Variants in SPRED1 observed in about 807,000 individuals in gnomAD.
SPRED1 encodes the protein sprouty-related, EVH1 domain-containing protein 1.
SPRED1 carries 18 observed loss-of-function variants against 52.3 expected under a neutral mutation model. The ratio of observed to expected loss-of-function variants is 0.34; its 90% CI spans 0.24 to 0.51. The LOEUF (loss-of-function observed/expected upper bound fraction) is 0.51, where lower values mean the gene tolerates loss of function less well. Ranked by LOEUF, SPRED1 falls within the 20% of genes least tolerant of loss-of-function variation. SPRED1 has a pLI of 0.97. For synonymous variants in SPRED1, 155 were observed against 179.7 expected, an observed-to-expected ratio of 0.86 and a Z score of 1.10; for missense variants, 485 against 551.0, an observed-to-expected ratio of 0.88 and a Z score of 1.20.
chr15:38,300,269 A>C (rs1376486966), intron 2 of SPRED1, among the ~76,000 whole-genome samples: 1 of 152,146 alleles, frequency 6.6e-6, no homozygotes, highest in Non-Finnish European at 1.5e-5. Flanking sequence ...AAAACAACTG[A>C]TTACATCCGA....
At chr15:38,279,238 A>G (rs949023059) in intron 1 of SPRED1, among the ~76,000 whole-genome samples, 1 of 152,190 alleles carries the variant, frequency 6.6e-6, no homozygotes, top group Non-Finnish European at 1.5e-5. Context: ...ATCGTACCAT[A>G]TTTGAATGTT....
chr15:38,289,278 A>G (rs1894871414), intron 1 of SPRED1, among the ~76,000 whole-genome samples: 1 of 151,596 alleles, frequency 6.6e-6, no homozygotes, highest in African/African-American at 2.4e-5. Flanking sequence ...ATTCTGAATA[A>G]AATTACTTTT....
intron 1 of SPRED1, among the ~76,000 whole-genome samples, chr15:38,274,837 G>A (rs1191900305): frequency 6.6e-6 from 1 of 152,164 alleles, no homozygotes; most frequent in East Asian, 1.9e-4. Context: ...CAACTTACAT[G>A]TTTTTGGCAA....
intron 1 of SPRED1, among the ~76,000 whole-genome samples, chr15:38,276,219 T>G (rs1894549092): frequency 6.6e-6 from 1 of 151,860 alleles, no homozygotes; most frequent in Non-Finnish European, 1.5e-5. Flanking sequence ...TGTTTTTTTT[T>G]TTTTTTTTTA....
At chr15:38,327,662 C>T (rs1295003426) in intron 4 of SPRED1, among the ~76,000 whole-genome samples, 1 of 152,214 alleles carries the variant, frequency 6.6e-6, no homozygotes, top group African/African-American at 2.4e-5. Context: ...AGTCCTCCAG[C>T]CACAAACAAG....
At chr15:38,299,227 A>G (rs1895101690) in intron 1 of SPRED1, 146 bp from the exon 2 acceptor site, 3 of 926,570 alleles carry the variant, frequency 3.2e-6, no homozygotes, top group South Asian at 2.6e-5. Context: ...CAAGTAGGCT[A>G]CTTTCTGTAG....
At chr15:38,350,798 G>A (rs1888466321) in intron 6 of SPRED1, among the ~76,000 whole-genome samples, 1 of 152,146 alleles carries the variant, frequency 6.6e-6, no homozygotes, top group Non-Finnish European at 1.5e-5. Flanking sequence ...TTCTAGTAAA[G>A]CCTTCAACTG....
chr15:38,338,468 G>C (rs1222701730), intron 4 of SPRED1, among the ~76,000 whole-genome samples: 3 of 152,022 alleles, frequency 2.0e-5, no homozygotes, highest in African/African-American at 4.8e-5. Flanking sequence ...GGGTATCAAT[G>C]TTTAGCCAAC....
chr15:38,356,614 AT>A lies in SPRED1; in HGVS notation c.*4953del, dbSNP rs1888627438. 1.3e-5 allele frequency: 2 copies of A among 151,806 alleles called. No individual in the cohort carries two copies. Among genetic ancestry groups the A allele is most frequent in the South Asian group, 4.1e-4 (2 of 4,828 alleles). The allele number at this position is 151,806 out of a possible 1,614,324, so 9.4% of individuals were successfully genotyped here. A position where few individuals can be genotyped will look rare whatever the true frequency, so the allele number is the denominator to read the frequency against. On this transcript the variant is annotated 3_prime_UTR_variant, in exon 7 of 7. Coordinates refer to ENST00000299084, the MANE Select transcript of SPRED1 (RefSeq NM_152594.3). ...CACATATAGTTCATCTTAATAACAT[AT>A]TTATTCATCCTTAATTGTATTCAGA...
chr15:38,318,856 G>C (rs1365150275), intron 2 of SPRED1, among the ~76,000 whole-genome samples: 4 of 152,056 alleles, frequency 2.6e-5, no homozygotes, highest in African/African-American at 9.7e-5. Context: ...ACCATTGATG[G>C]ACACCTAGGT....
intron 2 of SPRED1, among the ~76,000 whole-genome samples, chr15:38,307,994 G>A (rs942991583): frequency 2.0e-5 from 3 of 151,972 alleles, no homozygotes; most frequent in Non-Finnish European, 2.9e-5. Context: ...AGACAATATT[G>A]GTGATATAAT....
intron 5 of SPRED1, among the ~76,000 whole-genome samples, chr15:38,341,130 A>T (rs530675535): frequency 9.3e-5 from 14 of 150,918 alleles, no homozygotes; most frequent in African/African-American, 3.4e-4. Flanking sequence ...TGTCTGTTTC[A>T]TCCAGATTTT....
At chr15:38,279,481 G>C (rs181802896) in intron 1 of SPRED1, among the ~76,000 whole-genome samples, 1 of 152,260 alleles carries the variant, frequency 6.6e-6, no homozygotes. Context: ...ATCAAAAGAG[G>C]ATGTGTGTAT....
intron 1 of SPRED1, among the ~76,000 whole-genome samples, chr15:38,255,079 A>G (rs1894065467): frequency 6.6e-6 from 1 of 152,250 alleles, no homozygotes; most frequent in South Asian, 2.1e-4. Flanking sequence ...AATTAACACA[A>G]GTAAAATATA....
At chr15:38,277,076 TCTA>T (rs1894571541) in intron 1 of SPRED1, among the ~76,000 whole-genome samples, 2 of 152,214 alleles carry the variant, frequency 1.3e-5, no homozygotes, top group African/African-American at 4.8e-5. Context: ...TATCTTTGCT[TCTA>T]CATTAAGAGA....
chr15:38,299,568 T>C, intron 2 of SPRED1, 21 bp downstream of exon 2: 1 of 1,602,446 alleles, frequency 6.2e-7, no homozygotes, highest in Non-Finnish European at 8.5e-7. Context: ...ATGTATCTAA[T>C]ACTATAATTT....
chr15:38,332,476 G>A (rs1895824413), intron 4 of SPRED1, among the ~76,000 whole-genome samples: 1 of 152,118 alleles, frequency 6.6e-6, no homozygotes, highest in Non-Finnish European at 1.5e-5. Flanking sequence ...AGGAGGCTGA[G>A]GTGAGAGGAT....
At chr15:38,345,931 A>G (rs1005586419) in intron 5 of SPRED1, among the ~76,000 whole-genome samples, 1 of 152,172 alleles carries the variant, frequency 6.6e-6, no homozygotes, top group African/African-American at 2.4e-5. Flanking sequence ...ATCTGCAGAG[A>G]TGGGACCCAT....
At chr15:38,274,501 C>T (rs1226862951) in intron 1 of SPRED1, among the ~76,000 whole-genome samples, 1 of 152,114 alleles carries the variant, frequency 6.6e-6, no homozygotes, top group African/African-American at 2.4e-5. Flanking sequence ...TAATTTTAGA[C>T]CTACAGGAGT....
Sources: allele counts gnomAD v4.1 joint callset (sites outside exome capture counted in the v4.1 genomes callset), GRCh38; gene constraint gnomAD v4.1.1; transcripts MANE v1.5; gene names NCBI Gene and HGNC (gene_info 2026-07-23, HGNC 2026-07-21).